The following ERI1 variants were observed in gnomAD, a reference collection of about 807,000 sequenced individuals.
The protein encoded by ERI1 is exoribonuclease 1.
In ERI1, 39 loss-of-function variants were observed where a neutral mutation model predicts 39.7. That is an observed-to-expected ratio of 0.98 (90% CI 0.76 to 1.28). The LOEUF (loss-of-function observed/expected upper bound fraction) is 1.28. Ranked by LOEUF, ERI1 falls within the 50% of genes most tolerant of loss-of-function variation. ERI1 has a pLI of 0.00. For missense variants in ERI1, 581 were observed against 416.9 expected (o/e 1.39, Z -3.43); for synonymous variants, 204 against 149.6 (o/e 1.36, Z -2.65).
intron 3 of ERI1, among the ~76,000 whole-genome samples, chr8:9,067,804 T>C (rs2117417046): frequency 6.6e-6 from 1 of 152,078 alleles, no homozygotes; most frequent in East Asian, 1.9e-4. Flanking sequence ...TGAGCAGAAC[T>C]GGGACAGGTC....
At chr8:9,064,833 G>T (rs561988487) in intron 3 of ERI1, among the ~76,000 whole-genome samples, 86 of 152,318 alleles carry the variant, frequency 5.6e-4, no homozygotes, top group African/African-American at 2.0e-3. Context: ...AACAGGCTTT[G>T]TGTGAGCAAC....
Position 9,029,839 on chromosome 8 carries a change from A to G in ERI1, c.855A>G (p.Gly285=). ...TKLTIMLEKL[G]MDYDGRPHCG... ...TGACAATAATGCTTGAAAAATTAGG[A>G]ATGGATTATGATGGGCGGCCTCACT... is the stretch of plus-strand genomic sequence containing the variant. The change falls in exon 7 of 7, where the codon GGA becomes GGG. Residue 285 remains glycine (G), a synonymous_variant. Transcript: ENST00000250263. The G allele has an allele frequency of 6.2e-7, 1 of 1,614,150 alleles. No individual in the cohort carries two copies. Among genetic ancestry groups the G allele is most frequent in the Non-Finnish European group, 8.5e-7 (1 of 1,180,014 alleles).
At chr8:9,048,416 A>G (rs2921379) in intron 3 of ERI1, 135,688 of 154,446 alleles carry the variant, frequency 0.88, 59,774 homozygotes, top group Non-Finnish European at 0.91. Context: ...AGTTTAAAAA[A>G]CGTCCTTAAG....
At chr8:9,070,139 T>A (rs1450498006) in intron 3 of ERI1, among the ~76,000 whole-genome samples, 1 of 151,866 alleles carries the variant, frequency 6.6e-6, no homozygotes, top group Non-Finnish European at 1.5e-5. Flanking sequence ...CTCTGGAGGC[T>A]GAGGCAGGAG....
intron 6 of ERI1, among the ~76,000 whole-genome samples, chr8:9,023,142 A>G (rs1818095712): frequency 6.6e-6 from 1 of 152,082 alleles, no homozygotes; most frequent in African/African-American, 2.4e-5. Flanking sequence ...TATGTTTGGT[A>G]TGTTAATACA....
chr8:9,083,648 GC>G (rs1323730984), intron 3 of ERI1, among the ~76,000 whole-genome samples: 2 of 141,156 alleles, frequency 1.4e-5, no homozygotes, highest in Admixed American at 1.4e-4. Context: ...AAAAAAAAAA[GC>G]GGGGGGGAAG....
At chr8:9,044,691 C>T (rs1165047101) in intron 3 of ERI1, among the ~76,000 whole-genome samples, 1 of 152,054 alleles carries the variant, frequency 6.6e-6, no homozygotes, top group East Asian at 1.9e-4. Flanking sequence ...CAATCGTTTA[C>T]CAAGCAGCAG....
At chr8:9,059,448 C>T (rs1169723984) in intron 3 of ERI1, among the ~76,000 whole-genome samples, 1 of 151,478 alleles carries the variant, frequency 6.6e-6, no homozygotes, top group Non-Finnish European at 1.5e-5. Context: ...GGATTAGGGG[C>T]AGCGTGGGAA....
At chr8:9,026,970 C>G (rs751437407) in intron 6 of ERI1, among the ~76,000 whole-genome samples, 14 of 152,058 alleles carry the variant, frequency 9.2e-5, no homozygotes, top group Non-Finnish European at 1.6e-4. Context: ...ATTCTTCTTC[C>G]TGTATAACCA....
At chr8:9,085,671 CAG>C (rs1424417503) in intron 3 of ERI1, among the ~76,000 whole-genome samples, 1 of 151,744 alleles carries the variant, frequency 6.6e-6, no homozygotes, top group East Asian at 1.9e-4. Flanking sequence ...TGGCCCTTAA[CAG>C]AGAAAGTTCA....
At chr8:9,065,348 A>G (rs1798840378) in intron 3 of ERI1, among the ~76,000 whole-genome samples, 2 of 152,278 alleles carry the variant, frequency 1.3e-5, no homozygotes, top group South Asian at 4.1e-4. Flanking sequence ...TAAAGTCAGA[A>G]GTAAGGCAGA....
intron 3 of ERI1, chr8:9,096,708 C>CTTTTTTTTTTTTTTTTTTTTT (rs557869870): frequency 1.3e-4 from 13 of 96,548 alleles, no homozygotes; most frequent in Admixed American, 1.5e-4. Flanking sequence ...CTATTGCCAT[C>CTTTTTTTTTTTTTTTTTTTTT]TTTTTTTTTT....
chr8:9,030,676 T>A lies in ERI1; in HGVS notation c.*642T>A, dbSNP rs902851927. The A allele has an allele frequency of 2.0e-5, 3 of 152,406 alleles. No individual in the cohort carries two copies. The highest frequency in any genetic ancestry group is 6.5e-5 in the Admixed American group (1 of 15,320). The allele number at this position is 152,406 out of a possible 1,614,324, so 9.4% of individuals were successfully genotyped here. On this transcript the variant is annotated 3_prime_UTR_variant, in exon 7 of 7. Transcript: ENST00000250263. ...TTAATGAAAACGTAGAAGAAAGTAC[T>A]AAAAGGAATATCATAAGGGCTGTAG...
chr8:9,041,075 C>T (rs1162176286), intron 3 of ERI1, among the ~76,000 whole-genome samples: 2 of 152,182 alleles, frequency 1.3e-5, no homozygotes, highest in African/African-American at 4.8e-5. Flanking sequence ...TCAGCGATTA[C>T]GCTGCACTTC....
At chr8:9,035,371 A>G (rs375598893), downstream of ERI1, among the ~76,000 whole-genome samples, 59 of 152,324 alleles carry the variant, frequency 3.9e-4, no homozygotes, top group African/African-American at 1.2e-3. Flanking sequence ...GATTGTTGTT[A>G]AGGGCTAATG....
intron 1 of ERI1, among the ~76,000 whole-genome samples, 174 bp downstream of exon 1, chr8:9,003,345 G>T (rs1815581429): frequency 6.6e-6 from 1 of 152,222 alleles, no homozygotes; most frequent in Non-Finnish European, 1.5e-5. Flanking sequence ...GTGTCTTGGA[G>T]CCCCCTCAGG....
At chr8:9,099,817 G>A (rs1042182305) in intron 3 of ERI1, 2 of 152,080 alleles carry the variant, frequency 1.3e-5, no homozygotes, top group Non-Finnish European at 2.9e-5. Flanking sequence ...TTTGCTAACG[G>A]TATTGGTATT....
chr8:9,081,715 G>A (rs1451798406), intron 3 of ERI1, among the ~76,000 whole-genome samples: 1 of 139,128 alleles, frequency 7.2e-6, no homozygotes, highest in South Asian at 2.2e-4. Context: ...TTGTTTGTTT[G>A]TTTGTTTGTT....
At chr8:9,040,547 C>T (rs1444552811) in intron 3 of ERI1, among the ~76,000 whole-genome samples, 1 of 152,150 alleles carries the variant, frequency 6.6e-6, no homozygotes, top group Non-Finnish European at 1.5e-5. Context: ...TCAGAATTAC[C>T]TTAAATTCCA....
Sources: allele counts gnomAD v4.1 joint callset (sites outside exome capture counted in the v4.1 genomes callset), GRCh38; gene constraint gnomAD v4.1.1; transcripts MANE v1.5; gene names NCBI Gene and HGNC (gene_info 2026-07-23, HGNC 2026-07-21).